The following RORA variants were observed in gnomAD, a reference collection of about 807,000 sequenced individuals.
RORA encodes the protein RAR related orphan receptor A.
RORA carries 7 observed loss-of-function variants against 69.5 expected under a neutral mutation model. That is an observed-to-expected ratio of 0.10 (90% CI 0.06 to 0.19). The LOEUF (loss-of-function observed/expected upper bound fraction) is 0.19, where lower values mean the gene tolerates loss of function less well. Ranked by LOEUF, RORA falls within the 10% of genes least tolerant of loss-of-function variation. RORA has a pLI of 1.00. For synonymous variants in RORA, 261 were observed against 240.8 expected, an observed-to-expected ratio of 1.08 and a Z score of -0.78; for missense variants, 457 against 663.0, an observed-to-expected ratio of 0.69 and a Z score of 3.41.
At chr15:60,771,496 C>T (rs1403138974) in intron 1 of RORA, among the ~76,000 whole-genome samples, 1 of 152,138 alleles carries the variant, frequency 6.6e-6, no homozygotes, top group Non-Finnish European at 1.5e-5. Context: ...TTGCAGTGTC[C>T]AGCACTAGGC....
chr15:61,142,707 G>C (rs1054703873), intron 1 of RORA, among the ~76,000 whole-genome samples: 1 of 152,112 alleles, frequency 6.6e-6, no homozygotes, highest in Non-Finnish European at 1.5e-5. Context: ...TTCAAGAACA[G>C]AACTTTTACC....
rs1433850094 is a variant in RORA at position 60,499,914 on chromosome 15, C to T, written c.1385G>A (p.Arg462Gln). ...ALQHVLQKNHREDGILTKLIC... is the reference protein window; with the variant it reads ...ALQHVLQKNHQEDGILTKLIC... Reference sequence around the variant, plus strand: ...CACCTTTGTTAGTATTCCATCTTCTCGGTGATTCTTCTGTAGGACGTGTTG... The same window carrying T: ...CACCTTTGTTAGTATTCCATCTTCTTGGTGATTCTTCTGTAGGACGTGTTG... Residue 462 changes from arginine to glutamine, a missense_variant, in exon 10 of 11, where the codon CGA (arginine) becomes CAA (glutamine). By Grantham distance (43) the Arg-to-Gln change is conservative. Coordinates refer to ENST00000335670, the MANE Select transcript of RORA (RefSeq NM_134261.3). The T allele has an allele frequency of 3.7e-6, 6 of 1,607,838 alleles. No individual in the cohort carries two copies. The highest frequency in any genetic ancestry group is 3.4e-6 in the Non-Finnish European group (4 of 1,175,680).
chr15:61,203,049 T>C (rs2079909553), intron 1 of RORA, among the ~76,000 whole-genome samples: 1 of 152,182 alleles, frequency 6.6e-6, no homozygotes, highest in Non-Finnish European at 1.5e-5. Context: ...CTTGACATAA[T>C]TGACTAGTAT....
At chr15:61,113,053 G>T (rs1050433948) in intron 1 of RORA, among the ~76,000 whole-genome samples, 1 of 152,238 alleles carries the variant, frequency 6.6e-6, no homozygotes, top group Non-Finnish European at 1.5e-5. Flanking sequence ...GCACAGCCCA[G>T]CCTTGCTGCA....
chr15:61,063,935 G>T (rs2078221452), intron 1 of RORA, among the ~76,000 whole-genome samples: 1 of 152,176 alleles, frequency 6.6e-6, no homozygotes, highest in South Asian at 2.1e-4. Flanking sequence ...GTGCTGAACT[G>T]CCTTCCGTCT....
intron 1 of RORA, among the ~76,000 whole-genome samples, chr15:61,056,467 G>C (rs988533510): frequency 2.0e-5 from 3 of 152,166 alleles, no homozygotes; most frequent in Non-Finnish European, 4.4e-5. Flanking sequence ...AACTGAAGAA[G>C]TCAAAACCCA....
intron 1 of RORA, among the ~76,000 whole-genome samples, chr15:60,719,300 A>C (rs1020237072): frequency 1.3e-5 from 2 of 151,562 alleles, no homozygotes; most frequent in Non-Finnish European, 2.9e-5. Context: ...CGGCAAAATA[A>C]AAAAATGTGT....
chr15:60,734,635 T>C (rs2071475228), intron 1 of RORA, among the ~76,000 whole-genome samples: 1 of 152,180 alleles, frequency 6.6e-6, no homozygotes, highest in East Asian at 1.9e-4. Flanking sequence ...CTCCATGTCC[T>C]GCGTGGGTAC....
At chr15:61,143,695 GT>G (rs2079320915) in intron 1 of RORA, among the ~76,000 whole-genome samples, 1 of 152,164 alleles carries the variant, frequency 6.6e-6, no homozygotes, top group Middle Eastern at 3.2e-3. Context: ...TAATAAATAT[GT>G]TGGTACAACT....
At chr15:61,195,241 C>T (rs192150778) in intron 1 of RORA, among the ~76,000 whole-genome samples, 165 of 152,118 alleles carry the variant, frequency 1.1e-3, no homozygotes, top group Admixed American at 2.1e-3. Context: ...ATATATAATA[C>T]AGTGCAGCCA....
intron 2 of RORA, among the ~76,000 whole-genome samples, chr15:60,575,973 C>T (rs544140858): frequency 2.8e-4 from 42 of 152,346 alleles, no homozygotes; most frequent in African/African-American, 9.9e-4. Flanking sequence ...CTCAGCTGCA[C>T]CTTCCCAACA....
intron 1 of RORA, among the ~76,000 whole-genome samples, chr15:60,713,970 A>G (rs1041827922): frequency 6.6e-6 from 1 of 152,174 alleles, no homozygotes; most frequent in Non-Finnish European, 1.5e-5. Context: ...CAAATGAGTG[A>G]ACTGTTCTCA....
intron 1 of RORA, among the ~76,000 whole-genome samples, chr15:61,080,728 A>G (rs2078526817): frequency 6.6e-6 from 1 of 152,164 alleles, no homozygotes; most frequent in Non-Finnish European, 1.5e-5. Context: ...CTCTTTCTTA[A>G]TAAGATCATT....
chr15:61,103,267 G>C (rs1595989957), intron 1 of RORA, among the ~76,000 whole-genome samples: 1 of 152,132 alleles, frequency 6.6e-6, no homozygotes, highest in East Asian at 1.9e-4. Flanking sequence ...AGGCTGCTTT[G>C]GGGCAGGCAG....
chr15:60,559,689 C>T (rs867133158), intron 2 of RORA, among the ~76,000 whole-genome samples: 2 of 152,196 alleles, frequency 1.3e-5, no homozygotes, highest in East Asian at 1.9e-4. Context: ...AGAAAGATGT[C>T]GTGCAAGGAA....
Position 60,534,914 on chromosome 15 carries a change from C to T in RORA, c.197-3063G>A, listed in dbSNP as rs1450779200. ...TCAATTTCCAGAATTCAAATGAATC[C>T]ATGAGAAAAAAATGCAGTCAATGCC... On this transcript the variant is annotated intron_variant, in intron 2 of 10. Coordinates refer to ENST00000335670, the MANE Select transcript of RORA (RefSeq NM_134261.3). This position sits in a 1 kb window ranked among gnomAD's most constrained non-coding sequence, Gnocchi z 5.0. Among the ~76,000 whole-genome samples the T allele has an allele frequency of 6.6e-6, 1 of 152,044 alleles. No individual in the cohort carries two copies. The highest frequency in any genetic ancestry group is 6.6e-5 in the Admixed American group (1 of 15,256).
intron 1 of RORA, among the ~76,000 whole-genome samples, chr15:61,096,417 G>A (rs1346302364): frequency 6.6e-6 from 1 of 152,158 alleles, no homozygotes; most frequent in African/African-American, 2.4e-5. Context: ...AGAAAATGCT[G>A]AATCTCACTT....
At chr15:61,120,506 T>C (rs1318514059) in intron 1 of RORA, among the ~76,000 whole-genome samples, 2 of 151,944 alleles carry the variant, frequency 1.3e-5, no homozygotes, top group East Asian at 3.9e-4. Context: ...GAGACCACCC[T>C]GGCTAACACG....
intron 2 of RORA, among the ~76,000 whole-genome samples, chr15:60,570,707 A>G (rs1008718838): frequency 2.0e-5 from 3 of 152,178 alleles, no homozygotes; most frequent in African/African-American, 7.2e-5. Context: ...AATTTCCATG[A>G]GCCTCATCTT....
Sources: allele counts gnomAD v4.1 joint callset (sites outside exome capture counted in the v4.1 genomes callset), GRCh38; gene constraint gnomAD v4.1.1; non-coding constraint Gnocchi (gnomAD v3.1); transcripts MANE v1.5; gene names NCBI Gene and HGNC (gene_info 2026-07-23, HGNC 2026-07-21).